Variants in SLC44A1 observed in about 807,000 individuals in gnomAD.
SLC44A1 encodes choline transporter-like protein 1.
Under a neutral mutation model 79.3 loss-of-function variants are expected in SLC44A1, and 26 were observed. That is an observed-to-expected ratio of 0.33 (90% CI 0.24 to 0.46). The LOEUF (loss-of-function observed/expected upper bound fraction) is 0.46. Among genes scored for constraint, SLC44A1 ranks in the 20% least tolerant of loss-of-function variants. The pLI is 1.00. For missense variants in SLC44A1, 688 were observed against 798.1 expected (o/e 0.86, Z 1.66); for synonymous variants, 263 against 286.2 (o/e 0.92, Z 0.82).
chr9:105,312,442 C>T (rs906556789), intron 3 of SLC44A1, among the ~76,000 whole-genome samples: 10 of 152,182 alleles, frequency 6.6e-5, no homozygotes, highest in Admixed American at 4.6e-4. Context: ...ATATTTGATT[C>T]GCTGCTATGT....
rs140705741 is a variant in SLC44A1 at position 105,321,334 on chromosome 9, A to G, written c.269+11468A>G. ...ATTTATTGAAAAGACTATCTTCCCCATTGAATTACTTTGCCACCTTTGTCA... is the reference window on the plus strand; with the variant it reads ...ATTTATTGAAAAGACTATCTTCCCCGTTGAATTACTTTGCCACCTTTGTCA... On this transcript the variant is annotated intron_variant, in intron 3 of 15. Transcript: ENST00000374720. Among the ~76,000 whole-genome samples, 24 of 152,334 alleles carry G rather than the reference A, an allele frequency of 1.6e-4. No homozygotes were observed. The East Asian group carries it at 4.4e-3, about 28-fold the overall frequency.
intron 1 of SLC44A1, 73 bp from the exon 2 acceptor site, chr9:105,299,147 T>C: frequency 1.0e-6 from 1 of 1,001,772 alleles, no homozygotes; most frequent in African/African-American, 1.7e-5. Flanking sequence ...TAGCTATAGC[T>C]GGTGTATTTG....
At chr9:105,368,017 C>CT (rs1217086203) in intron 12 of SLC44A1, among the ~76,000 whole-genome samples, 1 of 152,030 alleles carries the variant, frequency 6.6e-6, no homozygotes, top group Non-Finnish European at 1.5e-5. Context: ...CTCAAAAAGA[C>CT]TAACAGGGTG....
intron 5 of SLC44A1, 115 bp from the exon 6 acceptor site, chr9:105,356,097 G>T: frequency 4.0e-6 from 3 of 759,446 alleles, no homozygotes; most frequent in Non-Finnish European, 6.7e-6. Flanking sequence ...CCATAATGAT[G>T]TGTGGAGGGT....
intron 13 of SLC44A1, 25 bp from the exon 14 acceptor site, chr9:105,383,098 A>G: frequency 6.6e-7 from 1 of 1,519,504 alleles, no homozygotes; most frequent in Non-Finnish European, 9.1e-7. Context: ...GATATTAAAT[A>G]TGATCTTTGT....
At chr9:105,263,792 C>T (rs1829897032) in intron 1 of SLC44A1, among the ~76,000 whole-genome samples, 1 of 152,112 alleles carries the variant, frequency 6.6e-6, no homozygotes, top group Admixed American at 6.5e-5. Flanking sequence ...CCGTCTCAGC[C>T]TCCCAAAGTG....
intron 1 of SLC44A1, among the ~76,000 whole-genome samples, chr9:105,256,967 G>A (rs1829723802): frequency 6.6e-6 from 1 of 151,668 alleles, no homozygotes; most frequent in South Asian, 2.1e-4. Flanking sequence ...TTGTATTTTA[G>A]TAGAGGTGGG....
intron 5 of SLC44A1, among the ~76,000 whole-genome samples, chr9:105,354,003 A>G (rs1827533500): frequency 6.9e-6 from 1 of 145,496 alleles, no homozygotes; most frequent in Non-Finnish European, 1.5e-5. Context: ...TCTGTCACAC[A>G]TCAGCTTCTA....
At chr9:105,367,735 A>T (rs1187634436) in intron 12 of SLC44A1, among the ~76,000 whole-genome samples, 1 of 152,098 alleles carries the variant, frequency 6.6e-6, no homozygotes, top group Non-Finnish European at 1.5e-5. Context: ...ATTCTGCCTG[A>T]GCGTCACCTC....
rs951128273 is a variant in SLC44A1, at chr9:105,244,915, C to T, written c.36+11C>T. 3.4e-6 allele frequency: 4 copies of T among 1,180,466 alleles called. No homozygotes were observed. The highest frequency in any genetic ancestry group is 4.2e-6 in the Non-Finnish European group (4 of 955,556). The allele number at this position is 1,180,466 out of a possible 1,614,324, so 73.1% of individuals were successfully genotyped here. On this transcript the variant is annotated intron_variant, in intron 1 of 15. Coordinates refer to ENST00000374720, the MANE Select transcript of SLC44A1 (RefSeq NM_080546.5). ...TCCTCCGCCGCGCAGGTGAGGGGCT[C>T]CCGCCTCCCGGCCGCCCGCCCGGAT... is the stretch of plus-strand genomic sequence containing the variant.
rs1235834097 is a variant in SLC44A1, at chr9:105,395,676, C to A, written c.*6620C>A. On this transcript the variant is annotated 3_prime_UTR_variant, in exon 16 of 16. Transcript: ENST00000374720. The stretch of plus-strand genomic sequence containing the variant: ...TAAGACTTAAAGGGAATATTCTGAC[C>A]TTCGTGTATGAATCTGATCCACCCA... 1 of 985,290 alleles carries A rather than the reference C, an allele frequency of 1.0e-6. No individual in the cohort carries two copies. Among genetic ancestry groups the A allele is most frequent in the Non-Finnish European group, 1.2e-6 (1 of 829,890 alleles). 61.0% of individuals were successfully genotyped at this position (985,290 alleles called of 1,614,324 possible). A position where few individuals can be genotyped will look rare whatever the true frequency, so the allele number is the denominator to read the frequency against.
At chr9:105,343,388 G>C (rs1266168484) in intron 4 of SLC44A1, among the ~76,000 whole-genome samples, 2 of 152,184 alleles carry the variant, frequency 1.3e-5, no homozygotes, top group African/African-American at 2.4e-5. Context: ...GATCTATTCA[G>C]ATAATGCTAA....
At chr9:105,378,564 A>T (rs1297961925) in intron 13 of SLC44A1, among the ~76,000 whole-genome samples, 2 of 152,086 alleles carry the variant, frequency 1.3e-5, no homozygotes, top group East Asian at 1.9e-4. Context: ...TTCCAGAAAG[A>T]TATATTTTTA....
chr9:105,380,281 A>G (rs757715209), intron 13 of SLC44A1, among the ~76,000 whole-genome samples: 1 of 152,158 alleles, frequency 6.6e-6, no homozygotes, highest in Non-Finnish European at 1.5e-5. Flanking sequence ...TGCTTCCCAC[A>G]TCCTACCTAA....
intron 12 of SLC44A1, among the ~76,000 whole-genome samples, chr9:105,374,194 A>T (rs915795537): frequency 6.6e-6 from 1 of 152,228 alleles, no homozygotes; most frequent in African/African-American, 2.4e-5. Flanking sequence ...TAGCAATCTG[A>T]TGCTCACACC....
intron 15 of SLC44A1, among the ~76,000 whole-genome samples, chr9:105,417,839 C>CAAAA (rs146589405): frequency 9.2e-4 from 53 of 57,716 alleles, no homozygotes; most frequent in Non-Finnish European, 1.5e-3. Flanking sequence ...CTCATCCCTA[C>CAAAA]AAAAAAAAAA....
At chr9:105,312,906 T>C (rs1043941271) in intron 3 of SLC44A1, among the ~76,000 whole-genome samples, 7 of 152,188 alleles carry the variant, frequency 4.6e-5, no homozygotes, top group Admixed American at 3.3e-4. Flanking sequence ...AGGGCTCTTA[T>C]GTTGTCATTT....
At chr9:105,265,354 C>T (rs969819593) in intron 1 of SLC44A1, among the ~76,000 whole-genome samples, 2 of 152,120 alleles carry the variant, frequency 1.3e-5, no homozygotes, top group Non-Finnish European at 2.9e-5. Flanking sequence ...TGTAGTTTTG[C>T]TTTTTCCAGA....
intron 1 of SLC44A1, among the ~76,000 whole-genome samples, chr9:105,265,030 A>G (rs1829928486): frequency 2.0e-5 from 3 of 152,170 alleles, no homozygotes; most frequent in South Asian, 2.1e-4. Context: ...TCCTGACCTC[A>G]GACAATCTGC....
Sources: allele counts gnomAD v4.1 joint callset (sites outside exome capture counted in the v4.1 genomes callset), GRCh38; gene constraint gnomAD v4.1.1; transcripts MANE v1.5; gene names NCBI Gene and HGNC (gene_info 2026-07-23, HGNC 2026-07-21).